The following MACF1 variants were observed in gnomAD, a reference collection of about 807,000 sequenced individuals.
MACF1 encodes the protein microtubule-actin cross-linking factor 1.
Under a neutral mutation model 854.8 loss-of-function variants are expected in MACF1, and 193 were observed. The observed-to-expected ratio is 0.23, with a 90% CI of 0.20 to 0.25. The LOEUF (loss-of-function observed/expected upper bound fraction) is 0.25. MACF1 is among the 10% of genes least tolerant of loss of function. The probability of loss-of-function intolerance (pLI) is 1.00; values close to 1 mark genes in which losing one functional copy is unlikely to be tolerated. For synonymous variants in MACF1, 3,185 were observed against 3,226.7 expected, an observed-to-expected ratio of 0.99 and a Z score of 0.44; for missense variants, 7,722 against 8,929.1, an observed-to-expected ratio of 0.86 and a Z score of 5.45.
intron 57 of MACF1, among the ~76,000 whole-genome samples, chr1:39,386,719 C>T (rs913597852): frequency 2.0e-5 from 3 of 151,802 alleles, no homozygotes; most frequent in African/African-American, 7.3e-5. Flanking sequence ...CGTGAGCCAC[C>T]GCACCCAGTG....
chr1:39,164,147 G>C (rs1422153054), intron 2 of MACF1, among the ~76,000 whole-genome samples: 1 of 152,068 alleles, frequency 6.6e-6, no homozygotes, highest in African/African-American at 2.4e-5. Context: ...TCCAGTAGCG[G>C]GGCATGTACA....
intron 2 of MACF1, among the ~76,000 whole-genome samples, chr1:39,244,634 G>C (rs542778693): frequency 6.6e-6 from 1 of 150,798 alleles, no homozygotes; most frequent in African/African-American, 2.4e-5. Context: ...CTGAAGTGCA[G>C]TGGCGCCATC....
In MACF1 at chr1:39,485,894, G is replaced by A; in HGVS notation, c.*100G>A. ...CGGGAGAAGTTATATTGTTAAAAGT[G>A]TAAAAGAATAATTGTGTTATGAAGC... On this transcript the variant is annotated 3_prime_UTR_variant, in exon 101 of 101. Transcript: ENST00000564288. 2.4e-6 allele frequency: 3 copies of A among 1,251,042 alleles called. No homozygotes were observed. Among genetic ancestry groups the A allele is most frequent in the African/African-American group, 1.5e-5 (1 of 64,970 alleles). The allele number at this position is 1,251,042 out of a possible 1,614,324, so 77.5% of individuals were successfully genotyped here.
At chr1:39,412,677 A>G (rs1293296112) in intron 58 of MACF1, 1 of 1,614,038 alleles carries the variant, frequency 6.2e-7, no homozygotes, top group Non-Finnish European at 8.5e-7. Context: ...ATTCAGATTC[A>G]TTCCTAAATA....
chr1:39,418,200 T>C (rs1033200240), intron 58 of MACF1, among the ~76,000 whole-genome samples: 8 of 152,050 alleles, frequency 5.3e-5, no homozygotes, highest in Non-Finnish European at 1.0e-4. Context: ...GTTTGTACAG[T>C]GGAGTGGATA....
chr1:39,209,201 C>T (rs1644488651), intron 1 of MACF1, among the ~76,000 whole-genome samples: 2 of 149,606 alleles, frequency 1.3e-5, no homozygotes, highest in East Asian at 3.9e-4. Context: ...GCCTGGGCAA[C>T]AAGAGTGAAA....
chr1:39,372,870 A>AT, intron 52 of MACF1: 1 of 309,524 alleles, frequency 3.2e-6, no homozygotes, highest in South Asian at 3.2e-5. Flanking sequence ...TTAAAATGAG[A>AT]TTTTCATCTT....
At chr1:39,106,498 G>A (rs1642242142) in intron 2 of MACF1, among the ~76,000 whole-genome samples, 1 of 152,176 alleles carries the variant, frequency 6.6e-6, no homozygotes, top group Admixed American at 6.5e-5. Context: ...GCCCCTGAAT[G>A]GAAGCCAGGG....
chr1:39,291,578 A>G (rs1222022041), intron 15 of MACF1, among the ~76,000 whole-genome samples: 1 of 152,160 alleles, frequency 6.6e-6, no homozygotes, highest in Non-Finnish European at 1.5e-5. Flanking sequence ...AAATGAAAAG[A>G]CTCCATAAAG....
At chr1:39,118,877 T>TCTC (rs1019531546) in intron 2 of MACF1, among the ~76,000 whole-genome samples, 9 of 152,208 alleles carry the variant, frequency 5.9e-5, no homozygotes, top group South Asian at 2.1e-4. Flanking sequence ...CATCCTTTTG[T>TCTC]CTCCTCCTCC....
At chr1:39,232,746 G>GTTTTTTTTTTTTTTTTT (rs10712180) in intron 2 of MACF1, among the ~76,000 whole-genome samples, 13 of 128,478 alleles carry the variant, frequency 1.0e-4, no homozygotes, top group Admixed American at 1.6e-4. Context: ...TACTCTCTTT[G>GTTTTTTTTTTTTTTTTT]TTTTTTTTTT....
At chr1:39,156,146 A>C (rs1643680974) in intron 2 of MACF1, among the ~76,000 whole-genome samples, 1 of 152,150 alleles carries the variant, frequency 6.6e-6, no homozygotes, top group Non-Finnish European at 1.5e-5. Context: ...AAGTGCTGGG[A>C]TTACAGGCGT....
chr1:39,310,666 A>G (rs1646281602), intron 25 of MACF1, among the ~76,000 whole-genome samples, 165 bp from the exon 26 acceptor site: 1 of 152,218 alleles, frequency 6.6e-6, no homozygotes, highest in Non-Finnish European at 1.5e-5. Flanking sequence ...TGTGGCTGTA[A>G]CATGTTTGGA....
intron 58 of MACF1, among the ~76,000 whole-genome samples, chr1:39,403,048 T>C (rs1642537062): frequency 6.6e-6 from 1 of 150,452 alleles, no homozygotes; most frequent in Non-Finnish European, 1.5e-5. Flanking sequence ...CTTTTGTTTT[T>C]TTTGTTTGGT....
chr1:39,385,170 C>T (rs540142726), intron 56 of MACF1, among the ~76,000 whole-genome samples: 12 of 152,234 alleles, frequency 7.9e-5, no homozygotes, highest in African/African-American at 2.9e-4. Flanking sequence ...TGGGTTCAAG[C>T]AATTCTCGTG....
chr1:39,233,236 G>C (rs1232815190), intron 2 of MACF1, among the ~76,000 whole-genome samples: 2 of 152,104 alleles, frequency 1.3e-5, no homozygotes, highest in Non-Finnish European at 2.9e-5. Context: ...GTTTCTCCAC[G>C]TTAGTCAGGC....
chr1:39,184,582 T>A (rs1644143513), intron 2 of MACF1, among the ~76,000 whole-genome samples: 1 of 152,166 alleles, frequency 6.6e-6, no homozygotes, highest in Admixed American at 6.6e-5. Context: ...TGGTTGAAGC[T>A]GATAAGGTGA....
chr1:39,111,992 TCTTAGCAAC>T (rs945540029), intron 2 of MACF1, among the ~76,000 whole-genome samples: 2 of 152,086 alleles, frequency 1.3e-5, no homozygotes, highest in African/African-American at 4.8e-5. Context: ...TTTGGACTGG[TCTTAGCAAC>T]CTTAGCAACC....
chr1:39,102,461 C>T (rs1480154419), intron 2 of MACF1, among the ~76,000 whole-genome samples: 1 of 151,738 alleles, frequency 6.6e-6, no homozygotes, highest in Non-Finnish European at 1.5e-5. Flanking sequence ...AAGGCTTTCC[C>T]CTGGGGAGTT....
Sources: allele counts gnomAD v4.1 joint callset (sites outside exome capture counted in the v4.1 genomes callset), GRCh38; gene constraint gnomAD v4.1.1; transcripts MANE v1.5; gene names NCBI Gene and HGNC (gene_info 2026-07-23, HGNC 2026-07-21).